Variants in RPTOR observed in about 807,000 individuals in gnomAD.
The protein encoded by RPTOR is regulatory associated protein of MTOR complex 1.
In RPTOR, 21 loss-of-function variants were observed where a neutral mutation model predicts 169.9. That is an observed-to-expected ratio of 0.12 (90% CI 0.09 to 0.18). The LOEUF is 0.18. Among genes scored for constraint, RPTOR ranks in the 10% least tolerant of loss-of-function variants. The pLI is 1.00. For missense variants in RPTOR, 1,133 were observed against 1,855.9 expected, an observed-to-expected ratio of 0.61 and a Z score of 7.16; for synonymous variants, 732 against 753.2, an observed-to-expected ratio of 0.97 and a Z score of 0.46.
rs962629512 is a variant in RPTOR, at chr17:80,883,958, G to A, written c.1828G>A (p.Asp610Asn). The A allele has an allele frequency of 1.1e-5, 18 of 1,610,488 alleles. No homozygotes were observed. Among genetic ancestry groups the A allele is most frequent in the African/African-American group, 2.7e-5 (2 of 74,908 alleles). Residue 610 changes from aspartate to asparagine, a missense_variant, in exon 16 of 34, where the codon GAC (aspartate) becomes AAC (asparagine). Transcript: ENST00000306801. ...TGAGAAGCTCTACAGCCTCCTCTCC[G>A]ACCCCATTCCCGAGGTGAGTCAGGC... Reference protein sequence around the residue: ...AHEKLYSLLSDPIPEVRCAAV... With the variant: ...AHEKLYSLLSNPIPEVRCAAV...
intron 16 of RPTOR, 58 bp downstream of exon 16, chr17:80,884,030 G>T: frequency 6.4e-7 from 1 of 1,552,510 alleles, no homozygotes. Flanking sequence ...CGGGGGTAAG[G>T]CAGAGGTCTG....
intron 1 of RPTOR, among the ~76,000 whole-genome samples, chr17:80,605,807 G>A (rs997187222): frequency 1.3e-5 from 2 of 152,176 alleles, no homozygotes; most frequent in Admixed American, 6.5e-5. Context: ...TCTCAGGCAC[G>A]GACTAGCTGT....
chr17:80,670,966 C>T (rs532788541), intron 3 of RPTOR, among the ~76,000 whole-genome samples: 2 of 152,278 alleles, frequency 1.3e-5, no homozygotes, highest in South Asian at 2.1e-4. Flanking sequence ...AACTTATCCT[C>T]GCCGGGGTCA....
In RPTOR at chr17:80,699,295, C is replaced by A. The variant is rs535392846; in HGVS notation, c.349-8546C>A. 7.4e-4 allele frequency among the ~76,000 whole-genome samples: 113 copies of A among 152,268 alleles called. 6 individuals carry two copies. The South Asian group carries it at 0.023, about 31-fold the overall frequency. On this transcript the variant is annotated intron_variant, in intron 3 of 33. Coordinates refer to ENST00000306801, the MANE Select transcript of RPTOR (RefSeq NM_020761.3). ...GATGAGTAAATCAGCAGGTAGAGTCCAGTACCCTGGTGCAGTGATGGGGAG... is the reference window on the plus strand; with the variant it reads ...GATGAGTAAATCAGCAGGTAGAGTCAAGTACCCTGGTGCAGTGATGGGGAG...
chr17:80,670,463 G>A (rs1388766647), intron 3 of RPTOR, among the ~76,000 whole-genome samples: 1 of 152,070 alleles, frequency 6.6e-6, no homozygotes, highest in Non-Finnish European at 1.5e-5. Flanking sequence ...GTCAGCACTC[G>A]ATTTTGACAT....
intron 6 of RPTOR, among the ~76,000 whole-genome samples, chr17:80,759,497 G>A (rs2066713627): frequency 6.6e-6 from 1 of 152,170 alleles, no homozygotes; most frequent in South Asian, 2.1e-4. Flanking sequence ...CAATTGAGCG[G>A]TGTCTCAGGT....
intron 12 of RPTOR, 54 bp downstream of exon 12, chr17:80,855,601 G>A (rs2143745729): frequency 7.6e-7 from 1 of 1,320,804 alleles, no homozygotes. Context: ...CAGAGATTAG[G>A]CTCCGTGTTT....
chr17:80,622,725 A>G (rs1472889716), intron 1 of RPTOR, among the ~76,000 whole-genome samples: 2 of 152,026 alleles, frequency 1.3e-5, no homozygotes, highest in African/African-American at 4.8e-5. Flanking sequence ...AACATGACAA[A>G]CCTCATCTCT....
At chr17:80,908,466 T>A (rs1430813728) in intron 20 of RPTOR, among the ~76,000 whole-genome samples, 1 of 152,146 alleles carries the variant, frequency 6.6e-6, no homozygotes, top group Non-Finnish European at 1.5e-5. Flanking sequence ...CTGCGGCAGC[T>A]CCTAGAAATC....
chr17:80,545,550 A>AT lies in RPTOR; in HGVS notation c.-78dup. On this transcript the variant is annotated 5_prime_UTR_variant, in exon 1 of 34. Coordinates refer to ENST00000306801, the MANE Select transcript of RPTOR (RefSeq NM_020761.3). ...CCCGTTTTTGTTTCTTATTTCACCA[A>AT]TTCTGGTACACGCTAGTTTTTAAGG... 1 of 1,104,316 alleles carries AT rather than the reference A, an allele frequency of 9.1e-7. No individual in the cohort carries two copies. Among genetic ancestry groups the AT allele is most frequent in the Non-Finnish European group, 1.3e-6 (1 of 762,534 alleles). The allele number at this position is 1,104,316 out of a possible 1,614,324, so 68.4% of individuals were successfully genotyped here.
chr17:80,916,919 C>T (rs146031872), intron 21 of RPTOR, among the ~76,000 whole-genome samples: 209 of 152,058 alleles, frequency 1.4e-3, no homozygotes, highest in African/African-American at 3.9e-3. Context: ...ACCCAGGAGA[C>T]GGAGATTGCG....
In RPTOR at chr17:80,892,959, C is replaced by G. The variant is rs150428369; in HGVS notation, c.2242+90C>G. The G allele has an allele frequency of 8.5e-3, 12,576 of 1,479,030 alleles. 83 individuals carry two copies. Among genetic ancestry groups the G allele is most frequent in the Middle Eastern group, 0.032 (181 of 5,652 alleles). The allele number at this position is 1,479,030 out of a possible 1,614,324, so 91.6% of individuals were successfully genotyped here. ...TATCTGAGTAAGCACCACTCTGCCC[C>G]TGCCCCTTCGTCTAAGTGCGTGCCC... On this transcript the variant is annotated intron_variant, in intron 19 of 33. Transcript: ENST00000306801.
chr17:80,778,553 T>G (rs1272675006), intron 6 of RPTOR, among the ~76,000 whole-genome samples: 1 of 152,238 alleles, frequency 6.6e-6, no homozygotes, highest in Non-Finnish European at 1.5e-5. Context: ...ATTCTGCGTT[T>G]CAAGGGGCCC....
At chr17:80,748,729 C>T (rs1325493428) in intron 5 of RPTOR, among the ~76,000 whole-genome samples, 4 of 53,314 alleles carry the variant, frequency 7.5e-5, no homozygotes, top group East Asian at 6.3e-4. Context: ...GGAGGGGCTG[C>T]GGTGTGTGTT....
At chr17:80,964,209 CGCAGTGTCTGCCCGCA>C in intron 33 of RPTOR, 37 bp from the exon 34 acceptor site, 9 of 1,325,546 alleles carry the variant, frequency 6.8e-6, no homozygotes, top group Admixed American at 5.1e-5. Flanking sequence ...CCCCGCCCCC[CGCAGTGTCTGCCCGCA>C]CCTGAACCCC....
Position 80,884,857 on chromosome 17 carries a change from C to G in RPTOR, c.1843-151C>G, listed in dbSNP as rs1055274714. The stretch of plus-strand genomic sequence containing the variant: ...CTCCCCACCTCCTTCCCCGTTGCCA[C>G]TCTGATAGTGCGAGGAGAGCCTTGG... On this transcript the variant is annotated intron_variant, in intron 16 of 33. Coordinates refer to ENST00000306801, the MANE Select transcript of RPTOR (RefSeq NM_020761.3). 2.8e-6 allele frequency: 3 copies of G among 1,078,878 alleles called. No individual in the cohort carries two copies. The African/African-American group carries it at 4.8e-5, about 17-fold the overall frequency. The allele number at this position is 1,078,878 out of a possible 1,614,324, so 66.8% of individuals were successfully genotyped here. A position where few individuals can be genotyped will look rare whatever the true frequency, so the allele number is the denominator to read the frequency against.
At chr17:80,700,517 ATGGTGGTGGTGGTGG>A (rs1240666302) in intron 3 of RPTOR, among the ~76,000 whole-genome samples, 1 of 83,498 alleles carries the variant, frequency 1.2e-5, no homozygotes. Flanking sequence ...GGTGATGGTG[ATGGTGGTGGTGGTGG>A]TGGTGATGAT....
chr17:80,781,581 C>T (rs1278173554), intron 6 of RPTOR, among the ~76,000 whole-genome samples: 3 of 152,230 alleles, frequency 2.0e-5, no homozygotes, highest in Non-Finnish European at 4.4e-5. Context: ...CGCTGTCTCG[C>T]GTGGGGCCTC....
chr17:80,947,627 G>A lies in RPTOR; in HGVS notation c.3265+276G>A, dbSNP rs1376947995. Among the ~76,000 whole-genome samples the A allele has an allele frequency of 2.0e-5, 3 of 152,160 alleles. No homozygotes were observed. Among genetic ancestry groups the A allele is most frequent in the Non-Finnish European group, 4.4e-5 (3 of 68,016 alleles). On this transcript the variant is annotated intron_variant, in intron 27 of 33. Transcript: ENST00000306801. This position sits in a 1 kb window ranked among gnomAD's most constrained non-coding sequence, Gnocchi z 4.4. ...CCAGCACCAGGAAAAGCCTCTGACAGCCTCTGTCCTTAAACCCCTGTGAGA... is the reference window on the plus strand; with the variant it reads ...CCAGCACCAGGAAAAGCCTCTGACAACCTCTGTCCTTAAACCCCTGTGAGA...
Sources: allele counts gnomAD v4.1 joint callset (sites outside exome capture counted in the v4.1 genomes callset), GRCh38; gene constraint gnomAD v4.1.1; non-coding constraint Gnocchi (gnomAD v3.1); transcripts MANE v1.5; gene names NCBI Gene and HGNC (gene_info 2026-07-23, HGNC 2026-07-21).